Variants in RBFOX2 observed in about 807,000 individuals in gnomAD.
RBFOX2 encodes RNA binding fox-1 homolog 2.
Under a neutral mutation model 49.1 loss-of-function variants are expected in RBFOX2, and 10 were observed. The observed-to-expected ratio is 0.20, with a 90% CI of 0.13 to 0.35. The LOEUF (loss-of-function observed/expected upper bound fraction) is 0.35, where lower values mean the gene tolerates loss of function less well. RBFOX2 is among the 10% of genes least tolerant of loss of function. RBFOX2 has a pLI of 1.00. For synonymous variants in RBFOX2, 183 were observed against 187.4 expected, an observed-to-expected ratio of 0.98 and a Z score of 0.19; for missense variants, 323 against 486.9, an observed-to-expected ratio of 0.66 and a Z score of 3.17.
chr22:35,972,486 A>G (rs1038507989), intron 1 of RBFOX2, among the ~76,000 whole-genome samples: 1 of 151,874 alleles, frequency 6.6e-6, no homozygotes, highest in Non-Finnish European at 1.5e-5. Context: ...GTCTAGCACT[A>G]AGGAGACCTG....
chr22:35,811,364 C>T (rs756692265), intron 1 of RBFOX2, among the ~76,000 whole-genome samples: 1 of 151,988 alleles, frequency 6.6e-6, no homozygotes, highest in Non-Finnish European at 1.5e-5. Flanking sequence ...GAGGGTGGGC[C>T]TTAATCCAAT....
At chr22:36,028,556 G>T in exon 1 of RBFOX2, 7 of 860,874 alleles carry the variant, frequency 8.1e-6, no homozygotes, top group Non-Finnish European at 9.8e-6. Context: ...GCGTGCGTGC[G>T]CGCGAGCGGA....
chr22:35,985,748 G>T (rs2057678050), intron 1 of RBFOX2, among the ~76,000 whole-genome samples: 1 of 151,994 alleles, frequency 6.6e-6, no homozygotes, highest in African/African-American at 2.4e-5. Context: ...GAGACAACGG[G>T]GTCAAAGAAT....
chr22:35,809,673 T>C (rs1603243241), intron 2 of RBFOX2, 107 bp downstream of exon 3: 1 of 1,192,372 alleles, frequency 8.4e-7, no homozygotes, highest in East Asian at 2.3e-5. Context: ...TGAGAACAGG[T>C]GTAAATGCTA....
intron 1 of RBFOX2, among the ~76,000 whole-genome samples, chr22:35,932,153 G>A (rs187361290): frequency 9.9e-5 from 15 of 151,962 alleles, no homozygotes; most frequent in East Asian, 1.9e-4. Flanking sequence ...AACTATCCCC[G>A]AGGGAAGAAA....
chr22:35,942,334 T>C (rs1603451484), upstream of RBFOX2, among the ~76,000 whole-genome samples: 2 of 152,300 alleles, frequency 1.3e-5, no homozygotes, highest in East Asian at 3.9e-4. Flanking sequence ...TATATTGGGA[T>C]GCTGTTATGG....
intron 1 of RBFOX2, among the ~76,000 whole-genome samples, chr22:35,823,496 C>T (rs1186511496): frequency 6.6e-6 from 1 of 151,984 alleles, no homozygotes; most frequent in Non-Finnish European, 1.5e-5. Context: ...ATTTTTTGTA[C>T]TTCTATACTG....
chr22:35,787,926 G>A (rs1466105698), intron 2 of RBFOX2, among the ~76,000 whole-genome samples: 1 of 152,180 alleles, frequency 6.6e-6, no homozygotes, highest in Admixed American at 6.5e-5. Flanking sequence ...GTGCTGGCCT[G>A]ATGCAATCAT....
At chr22:35,904,626 C>A (rs1193802236) in intron 1 of RBFOX2, among the ~76,000 whole-genome samples, 2 of 152,172 alleles carry the variant, frequency 1.3e-5, no homozygotes, top group African/African-American at 4.8e-5. Context: ...TATGAAAAGG[C>A]AGTTCCAATT....
intron 1 of RBFOX2, among the ~76,000 whole-genome samples, chr22:35,919,546 A>G (rs1001528292): frequency 4.6e-5 from 7 of 150,954 alleles, no homozygotes; most frequent in Non-Finnish European, 1.0e-4. Context: ...AAAAAAAAAG[A>G]AAAAGAAGTG....
chr22:35,781,271 C>T (rs776777823), intron 3 of RBFOX2, among the ~76,000 whole-genome samples: 2 of 152,114 alleles, frequency 1.3e-5, no homozygotes, highest in African/African-American at 4.8e-5. Context: ...TGAAACTAAG[C>T]ATATTATTGG....
intron 4 of RBFOX2, among the ~76,000 whole-genome samples, chr22:35,771,454 T>G (rs1942657002): frequency 6.6e-6 from 1 of 152,102 alleles, no homozygotes; most frequent in South Asian, 2.1e-4. Flanking sequence ...ACCCAACACG[T>G]TGATTTTAGC....
At chr22:36,014,027 T>C (rs1023052452) in intron 1 of RBFOX2, among the ~76,000 whole-genome samples, 1 of 151,066 alleles carries the variant, frequency 6.6e-6, no homozygotes, top group African/African-American at 2.4e-5. Flanking sequence ...TGTGATAGGT[T>C]TTTTTTTTAA....
intron 1 of RBFOX2, among the ~76,000 whole-genome samples, chr22:35,877,002 G>C (rs1296983619): frequency 6.6e-6 from 1 of 152,198 alleles, no homozygotes; most frequent in Non-Finnish European, 1.5e-5. Flanking sequence ...AGAAAGTAGA[G>C]ACTTCTGTAG....
chr22:35,742,312 G>C (rs560382702), exon 12 of RBFOX2: 7 of 152,484 alleles, frequency 4.6e-5, no homozygotes, highest in African/African-American at 1.7e-4. Flanking sequence ...CCAGTTACGA[G>C]GCGAGACAGG....
chr22:35,929,859 A>G (rs1014068691), intron 1 of RBFOX2, among the ~76,000 whole-genome samples: 1 of 152,060 alleles, frequency 6.6e-6, no homozygotes, highest in African/African-American at 2.4e-5. Flanking sequence ...CTGGAGAGGG[A>G]GCAGGGAATG....
intron 1 of RBFOX2, among the ~76,000 whole-genome samples, chr22:36,014,237 T>C (rs1459126929): frequency 1.3e-5 from 2 of 151,878 alleles, no homozygotes. Context: ...TTCTCCTGCC[T>C]CAGCCTCTCC....
chr22:35,756,019 AAAAC>A, intron 9 of RBFOX2, 82 bp downstream of exon 11: 1 of 1,044,830 alleles, frequency 9.6e-7, no homozygotes, highest in South Asian at 3.7e-5. Context: ...TAAAAGGAAA[AAAAC>A]CAAACCAAAC....
At chr22:35,751,470 C>T (rs1158957265) in intron 9 of RBFOX2, among the ~76,000 whole-genome samples, 4 of 152,150 alleles carry the variant, frequency 2.6e-5, no homozygotes, top group Non-Finnish European at 5.9e-5. Flanking sequence ...TACAGCAGAG[C>T]AGAGATCTAT....
Sources: gnomAD v4.1 joint callset for allele counts (sites outside exome capture counted in the v4.1 genomes callset) on GRCh38, gnomAD v4.1.1 for gene constraint, MANE v1.5 for transcripts, NCBI Gene and HGNC (gene_info 2026-07-23, HGNC 2026-07-21) for gene names.